PTPRD: variants seen among roughly 807,000 people sequenced by gnomAD.
PTPRD encodes receptor-type tyrosine-protein phosphatase delta.
Under a neutral mutation model 214.5 loss-of-function variants are expected in PTPRD, and 34 were observed. The ratio of observed to expected loss-of-function variants is 0.16; its 90% CI spans 0.12 to 0.21. The LOEUF is 0.21. Ranked by LOEUF, PTPRD falls within the 10% of genes least tolerant of loss-of-function variation. PTPRD has a pLI of 1.00. For synonymous variants in PTPRD, 1,128 were observed against 845.7 expected, an observed-to-expected ratio of 1.33 and a Z score of -5.79; for missense variants, 2,545 against 2,398.7, an observed-to-expected ratio of 1.06 and a Z score of -1.27.
chr9:9,741,180 T>A (rs539838372), intron 6 of PTPRD, among the ~76,000 whole-genome samples: 41 of 152,314 alleles, frequency 2.7e-4, no homozygotes, highest in African/African-American at 9.1e-4. Context: ...TTTTTCTGGG[T>A]ACATAGTTCT....
At chr9:9,049,596 G>A (rs1160396119) in intron 10 of PTPRD, among the ~76,000 whole-genome samples, 3 of 152,026 alleles carry the variant, frequency 2.0e-5, no homozygotes, top group Non-Finnish European at 2.9e-5. Flanking sequence ...TTAGCAAAAC[G>A]TTCCGATGTT....
chr9:10,070,580 AAG>A (rs1480601720), intron 3 of PTPRD, among the ~76,000 whole-genome samples: 1 of 152,056 alleles, frequency 6.6e-6, no homozygotes, highest in Non-Finnish European at 1.5e-5. Flanking sequence ...ATAAAATTAA[AAG>A]AGTCATTTAT....
intron 3 of PTPRD, among the ~76,000 whole-genome samples, chr9:10,314,757 A>G (rs1228173718): frequency 1.3e-5 from 2 of 151,990 alleles, no homozygotes; most frequent in Non-Finnish European, 2.9e-5. Context: ...GATCAACACT[A>G]TCCACTAGCC....
intron 2 of PTPRD, among the ~76,000 whole-genome samples, chr9:10,473,001 T>A (rs1223438308): frequency 1.3e-5 from 2 of 152,064 alleles, no homozygotes; most frequent in Admixed American, 1.3e-4. Context: ...TTTCTTAATG[T>A]ATTAAACATT....
chr9:8,465,751 T>G (rs1162683230), intron 31 of PTPRD, 76 bp from the exon 32 acceptor site: 1 of 1,319,536 alleles, frequency 7.6e-7, no homozygotes, highest in African/African-American at 1.5e-5. Context: ...ATGAGATAAA[T>G]TAATTCAGAA....
intron 35 of PTPRD, among the ~76,000 whole-genome samples, chr9:8,421,709 T>G (rs12000937): frequency 0.031 from 4,682 of 151,942 alleles, 245 homozygotes; most frequent in African/African-American, 0.11. Context: ...TTTCCCTCCA[T>G]CAAATGTTTA....
chr9:10,246,358 C>T (rs906839659), intron 3 of PTPRD, among the ~76,000 whole-genome samples: 1 of 152,118 alleles, frequency 6.6e-6, no homozygotes, highest in Non-Finnish European at 1.5e-5. Context: ...ATTCTCCTGC[C>T]TCAGCCTCCC....
intron 2 of PTPRD, among the ~76,000 whole-genome samples, chr9:10,354,073 T>C (rs1032333526): frequency 6.6e-5 from 10 of 152,086 alleles, no homozygotes; most frequent in African/African-American, 2.4e-4. Flanking sequence ...GTATTGCACT[T>C]CCAAAATACA....
At chr9:8,551,652 T>C (rs571571141) in intron 14 of PTPRD, among the ~76,000 whole-genome samples, 3 of 152,306 alleles carry the variant, frequency 2.0e-5, no homozygotes, top group South Asian at 4.1e-4. Context: ...AATTACTTCA[T>C]CATGAAGGAG....
Position 8,651,440 on chromosome 9 carries a change from G to A in PTPRD, c.65-14596C>T, listed in dbSNP as rs115172001. On this transcript the variant is annotated intron_variant, in intron 12 of 45. Transcript: ENST00000381196. ...TCAAATTGATGTTAATCGGAACCTG[G>A]CACACGGATAGAGGCTAGGGTACGA... Among the ~76,000 whole-genome samples, 820 of 152,258 alleles carry A rather than the reference G, an allele frequency of 5.4e-3. 15 individuals are homozygous for A. The highest frequency in any genetic ancestry group is 0.019 in the African/African-American group (792 of 41,540).
intron 2 of PTPRD, among the ~76,000 whole-genome samples, chr9:10,516,222 T>A (rs2050053714): frequency 6.6e-6 from 1 of 151,882 alleles, no homozygotes; most frequent in African/African-American, 2.4e-5. Context: ...TTTTTCTATA[T>A]CCTGATCAAC....
chr9:10,495,042 C>T (rs183076461), intron 2 of PTPRD, among the ~76,000 whole-genome samples: 47 of 151,748 alleles, frequency 3.1e-4, no homozygotes, highest in African/African-American at 1.1e-3. Flanking sequence ...ATGTGAACTA[C>T]ATTTTCACAT....
At chr9:9,030,072 G>A (rs1462737149) in intron 10 of PTPRD, among the ~76,000 whole-genome samples, 1 of 151,694 alleles carries the variant, frequency 6.6e-6, no homozygotes, top group African/African-American at 2.4e-5. Context: ...GAACAGTGTG[G>A]GATCATGGAG....
chr9:8,851,983 C>G (rs1486088315), intron 11 of PTPRD, among the ~76,000 whole-genome samples: 1 of 152,030 alleles, frequency 6.6e-6, no homozygotes, highest in Admixed American at 6.6e-5. Context: ...TTAACAATAA[C>G]TGATATCCAA....
Position 8,691,396 on chromosome 9 carries a change from GAAA to G in PTPRD, c.64+42381_64+42383del, listed in dbSNP as rs58521011. Among the ~76,000 whole-genome samples the G allele has an allele frequency of 2.0e-3, 222 of 113,696 alleles. 2 individuals are homozygous for G. The highest frequency in any genetic ancestry group is 8.8e-3 in the East Asian group (36 of 4,074). The allele number at this position is 113,696 out of a possible 152,430, so 74.6% of individuals were successfully genotyped here. On this transcript the variant is annotated intron_variant, in intron 12 of 45. Coordinates refer to ENST00000381196, the MANE Select transcript of PTPRD (RefSeq NM_002839.4). ...GATTCTGAGGCTGTTCTTCTCTAGA[GAAA>G]AAAAAAAAAAAATAGAAGAGTGCTA...
intron 3 of PTPRD, among the ~76,000 whole-genome samples, chr9:10,269,941 A>C (rs2154381885): frequency 6.6e-6 from 1 of 152,306 alleles, no homozygotes; most frequent in African/African-American, 2.4e-5. Flanking sequence ...AATATGACAG[A>C]AATTATAAGA....
intron 11 of PTPRD, among the ~76,000 whole-genome samples, chr9:8,841,534 T>C (rs2097557716): frequency 6.6e-6 from 1 of 152,216 alleles, no homozygotes; most frequent in Non-Finnish European, 1.5e-5. Context: ...CAGCATTGTA[T>C]AAATACAATC....
At chr9:10,436,213 A>G (rs2098716203) in intron 2 of PTPRD, among the ~76,000 whole-genome samples, 1 of 151,840 alleles carries the variant, frequency 6.6e-6, no homozygotes, top group South Asian at 2.1e-4. Flanking sequence ...TACAATCAAG[A>G]TAATTCTTCT....
rs116928592 is a variant in PTPRD, at chr9:10,253,605, A to T, written c.-545+87358T>A. ...GTTTCATCGCTCAGCTTTATTTATA[A>T]GGGCTGGAGGCTTTCAACTGTTTCA... On this transcript the variant is annotated intron_variant, in intron 3 of 45. Coordinates refer to ENST00000381196, the MANE Select transcript of PTPRD (RefSeq NM_002839.4). 3.3e-3 allele frequency among the ~76,000 whole-genome samples: 503 copies of T among 152,358 alleles called. 8 individuals carry two copies. Among genetic ancestry groups the T allele is most frequent in the East Asian group, 0.031 (160 of 5,186 alleles).
Sources: gnomAD v4.1 joint callset for allele counts (sites outside exome capture counted in the v4.1 genomes callset) on GRCh38, gnomAD v4.1.1 for gene constraint, MANE v1.5 for transcripts, NCBI Gene and HGNC (gene_info 2026-07-23, HGNC 2026-07-21) for gene names.